PTBP2: variants seen among roughly 807,000 people sequenced by gnomAD.
PTBP2 encodes the protein polypyrimidine tract binding protein 2, also known as polypyrimidine tract-binding protein 2.
A neutral mutation model predicts 61.4 loss-of-function variants in PTBP2; 13 were observed. The observed-to-expected ratio is 0.21, with a 90% confidence interval of 0.14 to 0.34. The LOEUF is 0.34. PTBP2 is among the 10% of genes least tolerant of loss of function. The pLI, the probability that PTBP2 is intolerant of heterozygous loss-of-function variation, is 1.00. For missense variants in PTBP2, 405 were observed against 642.6 expected (o/e 0.63, Z 4.00); for synonymous variants, 215 against 218.5 (o/e 0.98, Z 0.14).
intron 2 of PTBP2, among the ~76,000 whole-genome samples, chr1:96,724,558 C>T: frequency 6.6e-6 from 1 of 152,006 alleles, no homozygotes; most frequent in Non-Finnish European, 1.5e-5. Context: ...AGCCACCGTG[C>T]CCGGCCTGTA....
chr1:96,762,150 C>T lies in PTBP2; in HGVS notation c.116-7553C>T, dbSNP rs1655967304. ...ACCTCTTTCTACACAGACACGGCAA[C>T]CATCCGATTTCTCAATCTTTTCCCC... On this transcript the variant is annotated intron_variant, in intron 3 of 13. Coordinates refer to ENST00000674951, the MANE Select transcript of PTBP2 (RefSeq NM_021190.4). Among the ~76,000 whole-genome samples the T allele has an allele frequency of 2.6e-5, 4 of 151,072 alleles. No individual in the cohort carries two copies. In the South Asian group the frequency reaches 8.4e-4, roughly 32 times the overall value.
chr1:96,773,388 A>G (rs1657615461), intron 5 of PTBP2, among the ~76,000 whole-genome samples: 1 of 151,954 alleles, frequency 6.6e-6, no homozygotes, highest in South Asian at 2.1e-4. Flanking sequence ...TTTTTTTTGT[A>G]GTTGGTTATG....
At chr1:96,802,102 T>G (rs1262632882) in intron 8 of PTBP2, among the ~76,000 whole-genome samples, 1 of 147,782 alleles carries the variant, frequency 6.8e-6, no homozygotes, top group Non-Finnish European at 1.5e-5. Context: ...TCCCAGCTAC[T>G]TGGGAGGCTG....
downstream of PTBP2, chr1:96,819,977 A>C (rs1017856878): frequency 1.3e-5 from 2 of 151,970 alleles, no homozygotes; most frequent in African/African-American, 4.8e-5. Flanking sequence ...ACATTGCTAT[A>C]GTTGTCTTTG....
chr1:96,803,217 A>C lies in PTBP2; in HGVS notation c.905-1583A>C, dbSNP rs575214962. 7.2e-5 allele frequency among the ~76,000 whole-genome samples: 11 copies of C among 152,270 alleles called. No individual in the cohort carries two copies. The East Asian group carries it at 2.1e-3, about 29-fold the overall frequency. ...TAAGTATTAAACATGAGAATTCTTA[A>C]TTTTAAAATTGGACCCTAATTTCTG... On this transcript the variant is annotated intron_variant, in intron 8 of 13. Coordinates refer to ENST00000674951, the MANE Select transcript of PTBP2 (RefSeq NM_021190.4).
chr1:96,782,232 C>G (rs533374353), intron 7 of PTBP2, among the ~76,000 whole-genome samples: 1 of 152,052 alleles, frequency 6.6e-6, no homozygotes, highest in South Asian at 2.1e-4. Flanking sequence ...TTTATATGAT[C>G]ATTTTATTTT....
chr1:96,801,751 C>A (rs1454027386), intron 8 of PTBP2, among the ~76,000 whole-genome samples: 1 of 151,176 alleles, frequency 6.6e-6, no homozygotes, highest in East Asian at 2.0e-4. Flanking sequence ...GTCTCAGCTA[C>A]TCGAGATGCT....
chr1:96,767,817 G>T (rs931341760), intron 3 of PTBP2, among the ~76,000 whole-genome samples: 19 of 152,046 alleles, frequency 1.2e-4, no homozygotes, highest in African/African-American at 4.6e-4. Flanking sequence ...ACAAATCTTT[G>T]TCAGTAGTGA....
At chr1:96,798,120 T>G (rs273865) in intron 8 of PTBP2, among the ~76,000 whole-genome samples, 87,919 of 151,152 alleles carry the variant, frequency 0.58, 26,149 homozygotes, top group African/African-American at 0.71. Context: ...AGGCGTGGTG[T>G]CTCATGCCTA....
chr1:96,759,838 G>A (rs939497404), intron 3 of PTBP2, among the ~76,000 whole-genome samples: 7 of 152,020 alleles, frequency 4.6e-5, no homozygotes, highest in African/African-American at 1.2e-4. Flanking sequence ...GAGACTGGGC[G>A]GGCAATTTAT....
intron 2 of PTBP2, 43 bp from the exon 3 acceptor site, chr1:96,751,382 A>T: frequency 6.3e-6 from 9 of 1,418,878 alleles, no homozygotes; most frequent in Non-Finnish European, 8.0e-6. Flanking sequence ...TAATATTTTT[A>T]AATTTAAAGA....
chr1:96,818,535 A>G (rs1662565107), downstream of PTBP2: 1 of 152,098 alleles, frequency 6.6e-6, no homozygotes, highest in Non-Finnish European at 1.5e-5. Context: ...CCCTATTAAA[A>G]ATATAGTCAC....
chr1:96,748,734 A>G (rs1038934762), intron 2 of PTBP2, among the ~76,000 whole-genome samples: 1 of 152,182 alleles, frequency 6.6e-6, no homozygotes, highest in African/African-American at 2.4e-5. Flanking sequence ...AACAGTCATT[A>G]ATGTGGGGCA....
intron 3 of PTBP2, among the ~76,000 whole-genome samples, chr1:96,757,965 A>G (rs548882175): frequency 2.6e-5 from 4 of 152,178 alleles, no homozygotes; most frequent in African/African-American, 9.6e-5. Context: ...AAAACTCCCA[A>G]TTTAAGACTG....
chr1:96,728,056 C>A (rs573407144), intron 2 of PTBP2, among the ~76,000 whole-genome samples: 1 of 152,050 alleles, frequency 6.6e-6, no homozygotes, highest in Non-Finnish European at 1.5e-5. Context: ...GTGGTGCAAT[C>A]GTAGCTCATG....
intron 2 of PTBP2, among the ~76,000 whole-genome samples, chr1:96,741,296 G>A (rs66533250): frequency 0.34 from 51,158 of 151,834 alleles, 8,821 homozygotes; most frequent in South Asian, 0.44. Context: ...GAGTCTCACT[G>A]TGTCATCCAG....
At chr1:96,734,578 G>A (rs1170897573) in intron 2 of PTBP2, among the ~76,000 whole-genome samples, 1 of 144,312 alleles carries the variant, frequency 6.9e-6, no homozygotes, top group Non-Finnish European at 1.5e-5. Context: ...CCTGTTTTTT[G>A]TTTTTTTTTT....
intron 2 of PTBP2, among the ~76,000 whole-genome samples, chr1:96,738,353 G>A (rs752847332): frequency 2.0e-5 from 3 of 152,106 alleles, no homozygotes; most frequent in Non-Finnish European, 2.9e-5. Context: ...GAGTGCAGTG[G>A]TGGGATCTCG....
At chr1:96,789,595 T>G (rs2101092979) in intron 8 of PTBP2, among the ~76,000 whole-genome samples, 2 of 152,242 alleles carry the variant, frequency 1.3e-5, no homozygotes, top group Middle Eastern at 6.8e-3. Context: ...AATTTATAAT[T>G]TTCTATATGT....
Sources: allele counts gnomAD v4.1 joint callset (sites outside exome capture counted in the v4.1 genomes callset), GRCh38; gene constraint gnomAD v4.1.1; transcripts MANE v1.5; gene names NCBI Gene and HGNC (gene_info 2026-07-23, HGNC 2026-07-21).